Variants in LCT observed in about 807,000 individuals in gnomAD.
LCT encodes lactase/phlorizin hydrolase.
In LCT, 90 loss-of-function variants were observed where a neutral mutation model predicts 173.0. That is an observed-to-expected ratio of 0.52 (90% confidence interval 0.44 to 0.62). The LOEUF is 0.62. Ranked by LOEUF, LCT falls within the 20% of genes least tolerant of loss-of-function variation. The pLI is 0.00. For synonymous variants in LCT, 853 were observed against 957.6 expected, an observed-to-expected ratio of 0.89 and a Z score of 2.02; for missense variants, 1,864 against 2,431.4, an observed-to-expected ratio of 0.77 and a Z score of 4.91.
chr2:135,835,953 G>A (rs1455229470), intron 1 of LCT, among the ~76,000 whole-genome samples: 1 of 137,104 alleles, frequency 7.3e-6, no homozygotes, highest in African/African-American at 2.9e-5. Context: ...ACTGGGCAAG[G>A]GGTATTTCAA....
In LCT at chr2:135,836,549, G is replaced by T. The variant is rs369174474; in HGVS notation, c.621C>A (p.His207Gln). The change falls in exon 1 of 17, where the codon CAC (histidine) becomes CAA (glutamine). Residue 207 changes from histidine to glutamine, a missense_variant. His to Gln is a conservative substitution (Grantham distance 24). Coordinates refer to ENST00000264162, the MANE Select transcript of LCT (RefSeq NM_002299.4). ...DAHRKAYEIY[H>Q]ESYAFQGGKL... The stretch of plus-strand genomic sequence containing the variant: ...ACTCACCCTGAAAAGCATAGCTTTC[G>T]TGGTAAATCTCATAGGCTTTTCTGT... The T allele has an allele frequency of 1.2e-5, 19 of 1,614,014 alleles. No homozygotes were observed. The highest frequency in any genetic ancestry group is 1.6e-4 in the Middle Eastern group (1 of 6,084).
chr2:135,832,418 A>AC (rs1170349620), intron 2 of LCT, among the ~76,000 whole-genome samples: 2 of 151,200 alleles, frequency 1.3e-5, no homozygotes, highest in African/African-American at 4.9e-5. Flanking sequence ...AGGCCACAAG[A>AC]CCCTGTCTGT....
intron 6 of LCT, among the ~76,000 whole-genome samples, chr2:135,815,862 G>A (rs1185164645): frequency 6.6e-6 from 1 of 151,968 alleles, no homozygotes; most frequent in African/African-American, 2.4e-5. Context: ...AACATATCTG[G>A]CTAATTTTTG....
intron 6 of LCT, 24 bp from the exon 7 acceptor site, chr2:135,812,980 T>C (rs1303208406): frequency 1.2e-6 from 2 of 1,604,778 alleles, no homozygotes; most frequent in Non-Finnish European, 1.7e-6. Context: ...AAGAAGGAAA[T>C]ACAGTGATTA....
At position 135,797,955 on chromosome 2, in the gene LCT, T is replaced by G. The variant is rs2015532; in HGVS notation, c.4976+74A>C. On this transcript the variant is annotated intron_variant, in intron 13 of 16. Transcript: ENST00000264162. Reference sequence around the variant, plus strand: ...CCCAGCAAGCAAAGAAGCTCAGTCATGGTAACTTGCCCGAGACATGCCTCT... The same window carrying G: ...CCCAGCAAGCAAAGAAGCTCAGTCAGGGTAACTTGCCCGAGACATGCCTCT... The G allele has an allele frequency of 0.18, 154,591 of 842,670 alleles. 16,895 individuals carry two copies. Among genetic ancestry groups the G allele is most frequent in the Middle Eastern group, 0.36 (1,590 of 4,398 alleles). The allele number at this position is 842,670 out of a possible 1,614,324, so 52.2% of individuals were successfully genotyped here. A position where few individuals can be genotyped will look rare whatever the true frequency, so the allele number is the denominator to read the frequency against.
Position 135,836,518 on chromosome 2 carries a change from A to C in LCT, c.640+12T>G. 1 of 1,613,608 alleles carries C rather than the reference A, an allele frequency of 6.2e-7. No homozygotes were observed. The highest frequency in any genetic ancestry group is 8.5e-7 in the Non-Finnish European group (1 of 1,179,562). On this transcript the variant is annotated intron_variant, in intron 1 of 16. Coordinates refer to ENST00000264162, the MANE Select transcript of LCT (RefSeq NM_002299.4). ...TTGCCGAGGGGTCACCATCAGGTCAATGTGTACTCACCCTGAAAAGCATAG... is the reference window on the plus strand; with the variant it reads ...TTGCCGAGGGGTCACCATCAGGTCACTGTGTACTCACCCTGAAAAGCATAG...
chr2:135,792,658 G>A (rs142455540), intron 14 of LCT, among the ~76,000 whole-genome samples: 18 of 152,258 alleles, frequency 1.2e-4, no homozygotes, highest in African/African-American at 3.9e-4. Context: ...ACACAGCAGA[G>A]GAAGCCATAA....
At chr2:135,795,205 C>G (rs1401402271) in intron 13 of LCT, among the ~76,000 whole-genome samples, 1 of 93,464 alleles carries the variant, frequency 1.1e-5, no homozygotes, top group Non-Finnish European at 2.1e-5. Context: ...AAAGTTAGAT[C>G]TTGTATAATT....
At chr2:135,800,912 G>T in intron 11 of LCT, 103 bp from the exon 12 acceptor site, 2 of 898,956 alleles carry the variant, frequency 2.2e-6, no homozygotes, top group Non-Finnish European at 3.6e-6. Context: ...TGGGAGAAGG[G>T]GTGTAGATTC....
intron 14 of LCT, among the ~76,000 whole-genome samples, chr2:135,794,150 T>TAAAATA (rs70973481): frequency 0.97 from 145,794 of 151,078 alleles, 70,444 homozygotes; most frequent in Non-Finnish European, 0.99. Flanking sequence ...AAAAAATAAA[T>TAAAATA]AAAATAAAAA....
At chr2:135,831,950 C>T (rs2077944549) in intron 2 of LCT, among the ~76,000 whole-genome samples, 1 of 152,260 alleles carries the variant, frequency 6.6e-6, no homozygotes, top group Non-Finnish European at 1.5e-5. Context: ...GGCGTGGTGG[C>T]TCAAGCCTGT....
At chr2:135,823,280 G>A (rs2077852508) in intron 4 of LCT, among the ~76,000 whole-genome samples, 1 of 152,124 alleles carries the variant, frequency 6.6e-6, no homozygotes, top group Non-Finnish European at 1.5e-5. Context: ...AGTCTCCAGT[G>A]ACTGCCAGCC....
At chr2:135,806,734 A>G (rs906413996) in intron 9 of LCT, among the ~76,000 whole-genome samples, 2 of 152,242 alleles carry the variant, frequency 1.3e-5, no homozygotes, top group Admixed American at 6.5e-5. Context: ...AGTAAGCTAC[A>G]CTATCTAGGT....
At chr2:135,812,277 A>G in intron 7 of LCT, 34 bp downstream of exon 7, 1 of 1,577,522 alleles carries the variant, frequency 6.3e-7, no homozygotes, top group South Asian at 1.1e-5. Flanking sequence ...AGTACCACCC[A>G]CCTTCCAATC....
In LCT at chr2:135,804,872, C is replaced by G; in HGVS notation, c.4359G>C (p.Trp1453Cys). Residue 1453 changes from tryptophan (W) to cysteine (C), a missense_variant, in exon 10 of 17, where the codon TGG becomes TGC. Coordinates refer to ENST00000264162, the MANE Select transcript of LCT (RefSeq NM_002299.4). ...TGGTTCCATCAGGGAGGATGCGAGA[C>G]CAGGAGATGGAAAAACGGTAGTGGG... ...GVSHYRFSIS[W>C]SRILPDGTTR... 1 of 1,614,092 alleles carries G rather than the reference C, an allele frequency of 6.2e-7. No individual in the cohort carries two copies. The highest frequency in any genetic ancestry group is 8.5e-7 in the Non-Finnish European group (1 of 1,180,014).
intron 1 of LCT, 57 bp downstream of exon 1, chr2:135,836,473 G>A: frequency 6.7e-7 from 1 of 1,494,412 alleles, no homozygotes. Flanking sequence ...AAGGAGGATG[G>A]GGAAGGTGTG....
At chr2:135,792,540 G>A (rs575505957) in intron 14 of LCT, among the ~76,000 whole-genome samples, 7 of 152,272 alleles carry the variant, frequency 4.6e-5, no homozygotes, top group East Asian at 3.9e-4. Context: ...TCTGCCCTGC[G>A]CACTGTTGGC....
intron 9 of LCT, 60 bp downstream of exon 9, chr2:135,807,068 C>T: frequency 6.3e-7 from 1 of 1,596,778 alleles, no homozygotes; most frequent in Non-Finnish European, 8.6e-7. Flanking sequence ...GCACTGAGCC[C>T]AGAGCCTGGC....
Position 135,790,951 on chromosome 2 carries a change from A to T in LCT, c.5112-70T>A. 8.8e-7 allele frequency: 1 copy of T among 1,140,852 alleles called. No homozygotes were observed. Among genetic ancestry groups the T allele is most frequent in the South Asian group, 1.2e-5 (1 of 80,204 alleles). 70.7% of individuals were successfully genotyped at this position (1,140,852 alleles called of 1,614,324 possible). A position where few individuals can be genotyped will look rare whatever the true frequency, so the allele number is the denominator to read the frequency against. Reference sequence around the variant, plus strand: ...CAAGAGGCCCTTTACACGAAACACAAAACAGGACTTAGACCAGGAAAAGCC... The same window carrying T: ...CAAGAGGCCCTTTACACGAAACACATAACAGGACTTAGACCAGGAAAAGCC... On this transcript the variant is annotated intron_variant, in intron 14 of 16. Transcript: ENST00000264162. This position sits in a 1 kb window ranked among gnomAD's most constrained non-coding sequence, Gnocchi z 4.1.
Sources: allele counts gnomAD v4.1 joint callset (sites outside exome capture counted in the v4.1 genomes callset), GRCh38; gene constraint gnomAD v4.1.1; non-coding constraint Gnocchi (gnomAD v3.1); transcripts MANE v1.5; gene names NCBI Gene and HGNC (gene_info 2026-07-23, HGNC 2026-07-21).